The following AUTS2 variants were observed in gnomAD, a reference collection of about 807,000 sequenced individuals.
The protein encoded by AUTS2 is activator of transcription and developmental regulator AUTS2.
A neutral mutation model predicts 112.4 loss-of-function variants in AUTS2; 17 were observed. That is an observed-to-expected ratio of 0.15 (90% CI 0.10 to 0.23). The LOEUF (loss-of-function observed/expected upper bound fraction) is 0.23, where lower values mean the gene tolerates loss of function less well. Among genes scored for constraint, AUTS2 ranks in the 10% least tolerant of loss-of-function variants. The pLI, the probability that AUTS2 is intolerant of heterozygous loss-of-function variation, is 1.00. For synonymous variants in AUTS2, 751 were observed against 702.7 expected (o/e 1.07, Z -1.09); for missense variants, 1,510 against 1,701.6 (o/e 0.89, Z 1.98).
At chr7:70,748,474 G>GATTT (rs949798770) in intron 6 of AUTS2, among the ~76,000 whole-genome samples, 1 of 152,122 alleles carries the variant, frequency 6.6e-6, no homozygotes, top group African/African-American at 2.4e-5. Context: ...GGGATAAGTA[G>GATTT]ATTTATTTCT....
intron 3 of AUTS2, chr7:70,119,778 G>A (rs1227837231): frequency 6.6e-6 from 1 of 151,192 alleles, no homozygotes; most frequent in Non-Finnish European, 1.5e-5. Flanking sequence ...ACTTCAGAGT[G>A]TCTGAGTATT....
At chr7:70,462,421 G>A (rs1797003756) in intron 5 of AUTS2, among the ~76,000 whole-genome samples, 2 of 152,148 alleles carry the variant, frequency 1.3e-5, no homozygotes, top group Non-Finnish European at 2.9e-5. Flanking sequence ...TGTTAATAAA[G>A]TCAGTGGTGG....
At chr7:69,688,327 T>G (rs1480103103) in intron 1 of AUTS2, among the ~76,000 whole-genome samples, 2 of 152,206 alleles carry the variant, frequency 1.3e-5, no homozygotes, top group Non-Finnish European at 2.9e-5. Context: ...AATGAGGTGC[T>G]GGAATAAAAT....
chr7:70,591,642 T>A (rs1409195877), intron 5 of AUTS2, among the ~76,000 whole-genome samples: 151 of 152,182 alleles, frequency 9.9e-4, no homozygotes, highest in African/African-American at 3.4e-3. Context: ...CAAGTGATTC[T>A]CCCGCCTCAG....
chr7:70,351,551 GTGT>G (rs1791765106), intron 4 of AUTS2, among the ~76,000 whole-genome samples: 1 of 152,136 alleles, frequency 6.6e-6, no homozygotes. Flanking sequence ...AGGGATTGCT[GTGT>G]TGTATGGTAT....
At position 70,117,134 on chromosome 7, in the gene AUTS2, T is replaced by TG. The variant is rs1562710473; in HGVS notation, c.523-998_523-997insG. Among the ~76,000 whole-genome samples the TG allele has an allele frequency of 6.3e-4, 62 of 98,576 alleles. 1 individual carries two copies. Among genetic ancestry groups the TG allele is most frequent in the African/African-American group, 2.5e-3 (61 of 24,058 alleles). 64.7% of individuals were successfully genotyped at this position (98,576 alleles called of 152,430 possible). On this transcript the variant is annotated intron_variant, in intron 2 of 18. Coordinates refer to ENST00000342771, the MANE Select transcript of AUTS2 (RefSeq NM_015570.4). ...TTTTTTTTGTTTTTTTTTGTTTTTT[T>TG]TTGTTTTTTTTTTTGGTGTAGTACC...
chr7:70,554,209 C>T (rs547482498), intron 5 of AUTS2, among the ~76,000 whole-genome samples: 163 of 151,530 alleles, frequency 1.1e-3, no homozygotes, highest in Middle Eastern at 3.4e-3. Flanking sequence ...GCTGGGATTA[C>T]AGGCGTGTAC....
intron 1 of AUTS2, among the ~76,000 whole-genome samples, chr7:69,736,702 G>C (rs1199366092): frequency 1.3e-5 from 2 of 152,202 alleles, no homozygotes; most frequent in Non-Finnish European, 2.9e-5. Flanking sequence ...CTGTGATTTA[G>C]AGGACACTCC....
Position 69,744,625 on chromosome 7 carries a change from G to T in AUTS2, c.309+144663G>T, listed in dbSNP as rs575790049. On this transcript the variant is annotated intron_variant, in intron 1 of 18. Coordinates refer to ENST00000342771, the MANE Select transcript of AUTS2 (RefSeq NM_015570.4). ...AGGTAGGAGTATTGCTTGAGCTCAG[G>T]ACTTGGATACCAGTCTGGACTACAA... 9.3e-5 allele frequency among the ~76,000 whole-genome samples: 14 copies of T among 150,250 alleles called. 1 individual carries two copies. The South Asian group carries it at 3.0e-3, about 32-fold the overall frequency.
chr7:70,066,526 C>G (rs187977031), intron 2 of AUTS2, among the ~76,000 whole-genome samples: 168 of 148,790 alleles, frequency 1.1e-3, no homozygotes, highest in African/African-American at 4.0e-3. Context: ...CTTTACAGAT[C>G]TATACCCAGT....
At chr7:70,666,539 T>A (rs891208223) in intron 5 of AUTS2, among the ~76,000 whole-genome samples, 1 of 152,204 alleles carries the variant, frequency 6.6e-6, no homozygotes, top group African/African-American at 2.4e-5. Flanking sequence ...CTGAGACCCA[T>A]CTAACTTTGT....
At chr7:70,368,429 A>T (rs1382727458) in intron 4 of AUTS2, among the ~76,000 whole-genome samples, 1 of 152,064 alleles carries the variant, frequency 6.6e-6, no homozygotes, top group Admixed American at 6.5e-5. Flanking sequence ...GTGAGATTGG[A>T]CCTATTTTCC....
intron 4 of AUTS2, among the ~76,000 whole-genome samples, chr7:70,232,407 CTT>C (rs112682454): frequency 4.1e-5 from 6 of 145,036 alleles, no homozygotes; most frequent in African/African-American, 2.5e-5. Flanking sequence ...GGCTCTTGCT[CTT>C]TTTTTTTTTT....
At chr7:69,664,444 G>A (rs1795939439) in intron 1 of AUTS2, among the ~76,000 whole-genome samples, 1 of 152,124 alleles carries the variant, frequency 6.6e-6, no homozygotes, top group South Asian at 2.1e-4. Flanking sequence ...TGAATTAATT[G>A]TTTTATAACT....
chr7:69,839,527 G>T (rs1791878835), intron 1 of AUTS2, among the ~76,000 whole-genome samples: 1 of 152,076 alleles, frequency 6.6e-6, no homozygotes, highest in South Asian at 2.1e-4. Flanking sequence ...TCCAAGTAAT[G>T]GAATAAAGGG....
At chr7:70,050,721 G>A (rs918165399) in intron 2 of AUTS2, among the ~76,000 whole-genome samples, 8 of 152,230 alleles carry the variant, frequency 5.3e-5, no homozygotes, top group East Asian at 1.9e-4. Flanking sequence ...GAAGCCAGGC[G>A]CGGTGGCTCA....
At chr7:70,521,176 G>A (rs1230454394) in intron 5 of AUTS2, among the ~76,000 whole-genome samples, 1 of 152,122 alleles carries the variant, frequency 6.6e-6, no homozygotes, top group Non-Finnish European at 1.5e-5. Flanking sequence ...AAGACCCCAG[G>A]CTGTGTGTAC....
intron 15 of AUTS2, 164 bp from the exon 16 acceptor site, chr7:70,784,767 AAAAAAACACAC>A: frequency 1.1e-5 from 3 of 272,362 alleles, no homozygotes; most frequent in Non-Finnish European, 1.3e-5. Flanking sequence ...AAAAAAAAAA[AAAAAAACACAC>A]ATTTTCTTTT....
At chr7:69,874,591 T>G (rs1253120008) in intron 1 of AUTS2, among the ~76,000 whole-genome samples, 1 of 151,964 alleles carries the variant, frequency 6.6e-6, no homozygotes, top group Non-Finnish European at 1.5e-5. Flanking sequence ...CACAGTGAGG[T>G]GGACAACAGA....
Sources: allele counts gnomAD v4.1 joint callset (sites outside exome capture counted in the v4.1 genomes callset), GRCh38; gene constraint gnomAD v4.1.1; transcripts MANE v1.5; gene names NCBI Gene and HGNC (gene_info 2026-07-23, HGNC 2026-07-21).